Variants in MAP4 observed in about 807,000 individuals in gnomAD.
MAP4 encodes microtubule associated protein 4.
MAP4 carries 76 observed loss-of-function variants against 170.2 expected under a neutral mutation model. That is an observed-to-expected ratio of 0.45 (90% CI 0.37 to 0.54). The LOEUF (loss-of-function observed/expected upper bound fraction) is 0.54, where lower values mean the gene tolerates loss of function less well. Among genes scored for constraint, MAP4 ranks in the 20% least tolerant of loss-of-function variants. MAP4 has a pLI of 0.00. For synonymous variants in MAP4, 909 were observed against 994.5 expected (o/e 0.91, Z 1.62); for missense variants, 2,506 against 2,748.0 (o/e 0.91, Z 1.97).
At position 47,852,665 on chromosome 3, in the gene MAP4, G is replaced by A. The variant is rs1056397417; in HGVS notation, c.*269C>T. On this transcript the variant is annotated 3_prime_UTR_variant, in exon 21 of 21. Coordinates refer to ENST00000683076, the MANE Select transcript of MAP4 (RefSeq NM_001385682.1). ...CAGTGATGGGGCAAGACCAAAGCAGGGAGATGGGCCCAGGCTGGGGAGTGA... is the reference window on the plus strand; with the variant it reads ...CAGTGATGGGGCAAGACCAAAGCAGAGAGATGGGCCCAGGCTGGGGAGTGA... The A allele has an allele frequency of 4.6e-6, 6 of 1,306,934 alleles. No individual in the cohort carries two copies. In the African/African-American group the frequency reaches 8.9e-5, roughly 19 times the overall value. The allele number at this position is 1,306,934 out of a possible 1,614,324, so 81.0% of individuals were successfully genotyped here. A position where few individuals can be genotyped will look rare whatever the true frequency, so the allele number is the denominator to read the frequency against.
intron 11 of MAP4, among the ~76,000 whole-genome samples, chr3:47,876,428 G>A (rs1354005084): frequency 6.6e-6 from 1 of 152,132 alleles, no homozygotes; most frequent in Non-Finnish European, 1.5e-5. Context: ...ACCGCGCCTG[G>A]CCTGGGAATA....
At chr3:48,087,843 C>G (rs1414156582) in intron 1 of MAP4, among the ~76,000 whole-genome samples, 1 of 151,964 alleles carries the variant, frequency 6.6e-6, no homozygotes. Context: ...GGGAGCAATA[C>G]TGTAACAGGA....
At chr3:48,043,255 C>A (rs533911794) in intron 1 of MAP4, among the ~76,000 whole-genome samples, 31 of 152,256 alleles carry the variant, frequency 2.0e-4, no homozygotes, top group Non-Finnish European at 3.5e-4. Flanking sequence ...CACGTGTCGC[C>A]ATGCCCGGCT....
intron 2 of MAP4, 125 bp downstream of exon 2, chr3:47,998,513 A>AACATAAAGTT: frequency 1.4e-6 from 1 of 735,414 alleles, no homozygotes; most frequent in Non-Finnish European, 2.3e-6. Flanking sequence ...CTAACAAAGA[A>AACATAAAGTT]ACATAAAGTT....
In MAP4 at chr3:47,916,878, C is replaced by G. The variant is rs1009659506; in HGVS notation, c.949G>C (p.Val317Leu). Residue 317 changes from valine (V) to leucine (L), a missense_variant, in exon 7 of 21, where the codon GTT becomes CTT. Val to Leu is a conservative substitution (Grantham distance 32). This residue lies in a region of MAP4 where 2,008 missense variants were observed against 2,206.0 expected (regional missense o/e 0.91). Coordinates refer to ENST00000683076, the MANE Select transcript of MAP4 (RefSeq NM_001385682.1). Reference sequence around the variant, plus strand: ...TCTGTGGGCCATCTGACATCCTTAACCAGGGCCACTTCTTTTTCTGTGGGT... The same window carrying G: ...TCTGTGGGCCATCTGACATCCTTAAGCAGGGCCACTTCTTTTTCTGTGGGT... ...ELPTEKEVALVKDVRWPTETD... is the reference protein window; with the variant it reads ...ELPTEKEVALLKDVRWPTETD... 1 of 1,614,114 alleles carries G rather than the reference C, an allele frequency of 6.2e-7. No homozygotes were observed. Among genetic ancestry groups the G allele is most frequent in the African/African-American group, 1.3e-5 (1 of 74,938 alleles).
At chr3:47,891,734 G>A in intron 10 of MAP4, 1 of 1,536,712 alleles carries the variant, frequency 6.5e-7, no homozygotes, top group Non-Finnish European at 8.7e-7. Flanking sequence ...CATAGTGATT[G>A]GCGGAATGGT....
chr3:47,897,956 A>AG (rs1008806739), intron 10 of MAP4, among the ~76,000 whole-genome samples: 20 of 151,664 alleles, frequency 1.3e-4, no homozygotes, highest in African/African-American at 4.6e-4. Context: ...GGGGGAAAAA[A>AG]AAAAAAGAAA....
intron 10 of MAP4, among the ~76,000 whole-genome samples, chr3:47,902,280 A>T (rs1408582835): frequency 6.6e-6 from 1 of 152,172 alleles, no homozygotes; most frequent in Non-Finnish European, 1.5e-5. Flanking sequence ...TTGGAGGTTA[A>T]GAGTTTAGGA....
At position 47,851,571 on chromosome 3, in the gene MAP4, CT is replaced by C. The variant is rs1358425807; in HGVS notation, c.*1362del. 1.3e-5 allele frequency: 2 copies of C among 152,204 alleles called. No individual in the cohort carries two copies. The highest frequency in any genetic ancestry group is 2.9e-5 in the Non-Finnish European group (2 of 68,026). 9.4% of individuals were successfully genotyped at this position (152,204 alleles called of 1,614,324 possible). ...TTCACTACAAACTTATGTTTGAATC[CT>C]TTATTAGAAACCATGCAAACTTTAA... On this transcript the variant is annotated 3_prime_UTR_variant, in exon 21 of 21. Coordinates refer to ENST00000683076, the MANE Select transcript of MAP4 (RefSeq NM_001385682.1).
At chr3:48,050,495 C>T (rs2100127111) in intron 1 of MAP4, among the ~76,000 whole-genome samples, 1 of 150,806 alleles carries the variant, frequency 6.6e-6, no homozygotes, top group African/African-American at 2.4e-5. Context: ...AAAAGAAATA[C>T]AAATTAAACA....
chr3:47,994,037 CTTTT>C (rs1442491440), intron 2 of MAP4, among the ~76,000 whole-genome samples: 2 of 152,078 alleles, frequency 1.3e-5, no homozygotes, highest in African/African-American at 2.4e-5. Context: ...TTGGTTCCTT[CTTTT>C]TTGTTTCCTA....
At chr3:47,951,058 A>G (rs1241661303) in intron 3 of MAP4, among the ~76,000 whole-genome samples, 1 of 152,242 alleles carries the variant, frequency 6.6e-6, no homozygotes, top group Non-Finnish European at 1.5e-5. Flanking sequence ...TTGTAACTAG[A>G]TTAGCTATTT....
At chr3:47,948,683 G>A (rs752331013) in intron 3 of MAP4, among the ~76,000 whole-genome samples, 4 of 151,684 alleles carry the variant, frequency 2.6e-5, no homozygotes, top group South Asian at 2.1e-4. Context: ...GTGCAGTGGC[G>A]CAATCTCGGC....
intron 10 of MAP4, among the ~76,000 whole-genome samples, chr3:47,883,595 A>G (rs1017974024): frequency 1.3e-5 from 2 of 152,102 alleles, no homozygotes; most frequent in Admixed American, 6.6e-5. Flanking sequence ...TCTGTTACCA[A>G]ATCTTATTTT....
At position 47,855,342 on chromosome 3, in the gene MAP4, A is replaced by G. The variant is rs2053622890; in HGVS notation, c.6602T>C (p.Ile2201Thr). Reference protein sequence around the residue: ...KHKPGGGDVKIESQKLNFKEK... With the variant: ...KHKPGGGDVKTESQKLNFKEK... ...CTTGAAGTTCAACTTCTGACTTTCA[A>G]TCTTGACATCTCCTCCACCTGGAAC... Residue 2201 changes from isoleucine to threonine, a missense_variant, in exon 19 of 21, where the codon ATT (isoleucine) becomes ACT (threonine). This residue lies in a region of MAP4 where 487 missense variants were observed against 511.6 expected (regional missense o/e 0.95). Transcript: ENST00000683076. This position sits in a 1 kb window ranked among gnomAD's most constrained non-coding sequence, Gnocchi z 5.1. 1 of 1,612,342 alleles carries G rather than the reference A, an allele frequency of 6.2e-7. No individual in the cohort carries two copies. The highest frequency in any genetic ancestry group is 8.5e-7 in the Non-Finnish European group (1 of 1,178,436).
chr3:47,867,260 G>A lies in MAP4; in HGVS notation c.6487C>T (p.Pro2163Ser). The part of the protein sequence containing the change: ...CGSKDNIKHV[P>S]GGGNVQIQNK... ...CTTATACTTACATTACCACCTCCAGGGACATGCTTAATATTGTCCTTGGAA... is the reference window on the plus strand; with the variant it reads ...CTTATACTTACATTACCACCTCCAGAGACATGCTTAATATTGTCCTTGGAA... Residue 2163 changes from proline (P) to serine (S), a missense_variant, in exon 17 of 21, where the codon CCT becomes TCT. Transcript: ENST00000683076. 1 of 1,611,830 alleles carries A rather than the reference G, an allele frequency of 6.2e-7. No individual in the cohort carries two copies. The highest frequency in any genetic ancestry group is 1.1e-5 in the South Asian group (1 of 90,908).
chr3:48,052,239 T>C (rs1199760417), intron 1 of MAP4, among the ~76,000 whole-genome samples: 2 of 152,166 alleles, frequency 1.3e-5, no homozygotes, highest in Non-Finnish European at 2.9e-5. Context: ...TTTTGTTTTT[T>C]GAGACAGAGT....
At chr3:48,043,992 C>T (rs1183617980) in intron 1 of MAP4, among the ~76,000 whole-genome samples, 14 of 151,878 alleles carry the variant, frequency 9.2e-5, no homozygotes, top group South Asian at 4.2e-4. Context: ...ACTACAGGCA[C>T]GTGCCACCAC....
At chr3:48,019,089 G>GA (rs1192372592), upstream of MAP4, among the ~76,000 whole-genome samples, 1 of 152,184 alleles carries the variant, frequency 6.6e-6, no homozygotes, top group Non-Finnish European at 1.5e-5. Flanking sequence ...TGTAATCCCA[G>GA]AACTCTGGGA....
Sources: gnomAD v4.1 joint callset for allele counts (sites outside exome capture counted in the v4.1 genomes callset) on GRCh38, gnomAD v4.1.1 for gene constraint, gnomAD v4.1.1 regional missense constraint, Gnocchi (gnomAD v3.1) non-coding constraint, MANE v1.5 for transcripts, NCBI Gene and HGNC (gene_info 2026-07-23, HGNC 2026-07-21) for gene names.